Variants in PAM observed in about 807,000 individuals in gnomAD.
The protein encoded by PAM is peptidyl-glycine alpha-amidating monooxygenase.
Under a neutral mutation model 122.1 loss-of-function variants are expected in PAM, and 72 were observed. That is an observed-to-expected ratio of 0.59 (90% confidence interval 0.49 to 0.72). PAM has a LOEUF of 0.72. Ranked by LOEUF, PAM falls within the 30% of genes least tolerant of loss-of-function variation. The pLI is 0.00. For synonymous variants in PAM, 389 were observed against 404.4 expected (o/e 0.96, Z 0.46); for missense variants, 1,106 against 1,183.7 (o/e 0.93, Z 0.96).
At chr5:102,824,356 G>C (rs1445673336) in intron 1 of PAM, among the ~76,000 whole-genome samples, 1 of 152,156 alleles carries the variant, frequency 6.6e-6, no homozygotes, top group Non-Finnish European at 1.5e-5. Flanking sequence ...ACAATTTTAT[G>C]AAATCAGCCA....
chr5:102,912,526 G>A (rs1176061091), intron 4 of PAM, among the ~76,000 whole-genome samples: 1 of 151,882 alleles, frequency 6.6e-6, no homozygotes, highest in Non-Finnish European at 1.5e-5. Context: ...AGGAAATCCT[G>A]CACTCAACCT....
At chr5:102,872,336 ATTAC>A (rs1312627561) in intron 3 of PAM, among the ~76,000 whole-genome samples, 1 of 152,204 alleles carries the variant, frequency 6.6e-6, no homozygotes, top group Non-Finnish European at 1.5e-5. Context: ...ATCTTAAGTT[ATTAC>A]TTATTTTAAA....
At chr5:102,951,327 T>A (rs1022838158) in intron 12 of PAM, among the ~76,000 whole-genome samples, 3 of 152,068 alleles carry the variant, frequency 2.0e-5, no homozygotes, top group African/African-American at 7.2e-5. Context: ...AATAATTTTT[T>A]AAATACTGAG....
chr5:102,787,878 G>A (rs578169591), intron 1 of PAM, among the ~76,000 whole-genome samples: 2 of 151,978 alleles, frequency 1.3e-5, no homozygotes, highest in East Asian at 3.9e-4. Context: ...CTCTGGCTTG[G>A]GATTTATTAA....
chr5:103,000,578 A>AT (rs1777082684), intron 16 of PAM, among the ~76,000 whole-genome samples: 2 of 152,206 alleles, frequency 1.3e-5, no homozygotes, highest in Admixed American at 1.3e-4. Flanking sequence ...ACTGCTAATA[A>AT]AGACATACCC....
intron 1 of PAM, among the ~76,000 whole-genome samples, chr5:102,852,631 T>A (rs1400353088): frequency 6.6e-6 from 1 of 152,168 alleles, no homozygotes; most frequent in Non-Finnish European, 1.5e-5. Context: ...TGTAATTTTA[T>A]GACAATAGAA....
intron 1 of PAM, among the ~76,000 whole-genome samples, chr5:102,841,731 C>A (rs1370013311): frequency 6.6e-6 from 1 of 151,786 alleles, no homozygotes; most frequent in South Asian, 2.1e-4. Context: ...TTCTTGAACT[C>A]GAAAATATAG....
chr5:102,924,778 A>G (rs1391137460), intron 5 of PAM, among the ~76,000 whole-genome samples, 179 bp from the exon 6 acceptor site: 2 of 151,148 alleles, frequency 1.3e-5, no homozygotes, highest in Admixed American at 6.6e-5. Context: ...GCTTTTTTTC[A>G]CACAGTAATA....
intron 5 of PAM, among the ~76,000 whole-genome samples, chr5:102,914,314 A>G (rs1367597072): frequency 6.6e-6 from 1 of 152,020 alleles, no homozygotes; most frequent in African/African-American, 2.4e-5. Flanking sequence ...GAAGGGAGCA[A>G]GAGTTGAAAA....
At chr5:102,992,164 A>C (rs3776864) in intron 16 of PAM, among the ~76,000 whole-genome samples, 40,086 of 151,776 alleles carry the variant, frequency 0.26, 5,881 homozygotes, top group East Asian at 0.43. Flanking sequence ...CTAGGTAACC[A>C]GGATCCTGTG....
At chr5:102,894,555 A>G (rs1309874324) in intron 3 of PAM, among the ~76,000 whole-genome samples, 1 of 151,510 alleles carries the variant, frequency 6.6e-6, no homozygotes, top group Non-Finnish European at 1.5e-5. Flanking sequence ...ACATTGCCCA[A>G]TTACTATCCA....
Position 102,963,511 on chromosome 5 carries a change from C to T in PAM, c.1162+2282C>T, listed in dbSNP as rs1034846867. On this transcript the variant is annotated intron_variant, in intron 14 of 25. Coordinates refer to ENST00000438793, the MANE Select transcript of PAM (RefSeq NM_001177306.2). ...ACTTTATTTGGTGTTCTGGCCAAAA[C>T]AATTTGTGTAGTATTTCTTTACATT... 4.6e-5 allele frequency among the ~76,000 whole-genome samples: 7 copies of T among 152,078 alleles called. 1 individual carries two copies. The South Asian group carries it at 6.2e-4, about 13-fold the overall frequency.
At position 103,025,207 on chromosome 5, in the gene PAM, G is replaced by A. The variant is rs766323281; in HGVS notation, c.2562G>A (p.Gln854=). The change falls in exon 24 of 26, where the codon CAG becomes CAA. Residue 854 remains glutamine, a synonymous_variant. Transcript: ENST00000438793. The part of the protein sequence containing the change: ...SSELQKMQEK[Q]KLIKEPGSGV... ...AATTGCAGAAGATGCAAGAGAAACA[G>A]AAACTGATCAAAGAGCCAGGCTCGG... 6.2e-7 allele frequency: 1 copy of A among 1,613,678 alleles called. No individual in the cohort carries two copies. The highest frequency in any genetic ancestry group is 1.3e-5 in the African/African-American group (1 of 74,892).
intron 1 of PAM, among the ~76,000 whole-genome samples, chr5:102,793,382 AT>A: frequency 6.6e-6 from 1 of 151,886 alleles, no homozygotes; most frequent in East Asian, 1.9e-4. Context: ...GAAAAAAAAA[AT>A]AGCTGAGCAT....
intron 2 of PAM, 110 bp from the exon 3 acceptor site, chr5:102,867,163 G>T: frequency 1.5e-6 from 1 of 667,154 alleles, no homozygotes. Context: ...AGTTTTCATT[G>T]GGTTTAAATC....
intron 1 of PAM, among the ~76,000 whole-genome samples, chr5:102,839,846 A>C (rs1230807471): frequency 6.6e-6 from 1 of 152,174 alleles, no homozygotes; most frequent in East Asian, 1.9e-4. Flanking sequence ...TCATTATAAA[A>C]ACTCTTAAGA....
At chr5:102,833,588 C>T (rs1776054662) in intron 1 of PAM, among the ~76,000 whole-genome samples, 1 of 152,116 alleles carries the variant, frequency 6.6e-6, no homozygotes, top group Admixed American at 6.6e-5. Flanking sequence ...ATGTTTGACA[C>T]CAGGGCTCAA....
intron 1 of PAM, among the ~76,000 whole-genome samples, chr5:102,850,675 C>A (rs1781130470): frequency 6.6e-6 from 1 of 152,140 alleles, no homozygotes; most frequent in African/African-American, 2.4e-5. Flanking sequence ...GATCACATGG[C>A]CACTTGGTGG....
chr5:102,953,160 T>G (rs1169208088), intron 12 of PAM, among the ~76,000 whole-genome samples: 1 of 152,140 alleles, frequency 6.6e-6, no homozygotes, highest in Non-Finnish European at 1.5e-5. Flanking sequence ...AGCTAGAAAT[T>G]TTGGAACTGG....
Sources: gnomAD v4.1 joint callset for allele counts (sites outside exome capture counted in the v4.1 genomes callset) on GRCh38, gnomAD v4.1.1 for gene constraint, MANE v1.5 for transcripts, NCBI Gene and HGNC (gene_info 2026-07-23, HGNC 2026-07-21) for gene names.